The following PDE1A variants were observed in gnomAD, a reference collection of about 807,000 sequenced individuals.
The protein encoded by PDE1A is dual specificity calcium/calmodulin-dependent 3',5'-cyclic nucleotide phosphodiesterase 1A.
PDE1A carries 35 observed loss-of-function variants against 61.7 expected under a neutral mutation model. The observed-to-expected ratio is 0.57, with a 90% CI of 0.43 to 0.75. The LOEUF (loss-of-function observed/expected upper bound fraction) is 0.75. Among genes scored for constraint, PDE1A ranks in the 30% least tolerant of loss-of-function variants. The pLI, the probability that PDE1A is intolerant of heterozygous loss-of-function variation, is 0.00. For missense variants in PDE1A, 597 were observed against 630.6 expected, an observed-to-expected ratio of 0.95 and a Z score of 0.57; for synonymous variants, 232 against 213.2, an observed-to-expected ratio of 1.09 and a Z score of -0.77.
Position 182,338,003 on chromosome 2 carries a change from T to C in PDE1A, c.54-73589A>G, listed in dbSNP as rs75116886. Among the ~76,000 whole-genome samples, 206 of 152,316 alleles carry C rather than the reference T, an allele frequency of 1.4e-3. 8 individuals are homozygous for C. In the East Asian group the frequency reaches 0.035, roughly 26 times the overall value. On this transcript the variant is annotated intron_variant, in intron 1 of 13. Transcript: ENST00000351439. ...TGTTCCTACTGGATCCTCCATTTTT[T>C]AAATGTCCTTCAGCAAGACCTGCAC...
intron 2 of PDE1A, among the ~76,000 whole-genome samples, chr2:182,451,130 GCAC>G: frequency 1.1e-4 from 2 of 18,362 alleles, no homozygotes; most frequent in African/African-American, 1.9e-4. Flanking sequence ...TGTAATCCCA[GCAC>G]TTTGGGAGGC....
intron 2 of PDE1A, among the ~76,000 whole-genome samples, chr2:182,255,690 C>T (rs1440576099): frequency 7.1e-6 from 1 of 140,374 alleles, no homozygotes; most frequent in East Asian, 2.1e-4. Flanking sequence ...CAGAGTCTTG[C>T]TCTGTCACCC....
At chr2:182,681,576 A>T in the PDE1A span, among the ~76,000 whole-genome samples, 6 of 13,540 alleles carry the variant, frequency 4.4e-4, no homozygotes, top group South Asian at 3.1e-3. Context: ...CCTCTAAATT[A>T]AAAAAAAAAA....
chr2:182,660,245 A>G, the PDE1A span, among the ~76,000 whole-genome samples: 1 of 152,236 alleles, frequency 6.6e-6, no homozygotes, highest in Non-Finnish European at 1.5e-5. Flanking sequence ...ATATGCAAAT[A>G]TTTAGAAAAG....
At chr2:182,495,498 G>A (rs933184466) in intron 2 of PDE1A, among the ~76,000 whole-genome samples, 4 of 152,018 alleles carry the variant, frequency 2.6e-5, no homozygotes, top group Non-Finnish European at 4.4e-5. Flanking sequence ...GTAACACATG[G>A]GTTTTATTTA....
intron 12 of PDE1A, 57 bp from the exon 13 acceptor site, chr2:182,186,136 GA>G: frequency 6.4e-7 from 1 of 1,559,878 alleles, no homozygotes; most frequent in South Asian, 1.2e-5. Flanking sequence ...GGTGAACAAG[GA>G]AAACCTGAAA....
At chr2:182,459,643 C>T (rs10178586) in intron 2 of PDE1A, among the ~76,000 whole-genome samples, 29,485 of 151,934 alleles carry the variant, frequency 0.19, 3,214 homozygotes, top group Middle Eastern at 0.35. Context: ...TAAGCCTAGG[C>T]CCCTAAAGAA....
At chr2:182,529,776 A>C in the PDE1A span, among the ~76,000 whole-genome samples, 2 of 152,190 alleles carry the variant, frequency 1.3e-5, no homozygotes, top group Non-Finnish European at 2.9e-5. Context: ...TGATGGTTTT[A>C]TAAGCCTTTC....
At chr2:182,435,671 G>C (rs1258136806) in intron 2 of PDE1A, among the ~76,000 whole-genome samples, 1 of 152,048 alleles carries the variant, frequency 6.6e-6, no homozygotes, top group Non-Finnish European at 1.5e-5. Flanking sequence ...TCAGTCAGTG[G>C]AAAGCTGTTC....
intron 6 of PDE1A, among the ~76,000 whole-genome samples, chr2:182,225,216 T>C (rs1689047929): frequency 6.6e-6 from 1 of 151,942 alleles, no homozygotes; most frequent in Admixed American, 6.6e-5. Context: ...GGGTCTGTAT[T>C]AAAATAGAAT....
chr2:182,460,163 TC>T (rs1394124059), intron 2 of PDE1A, among the ~76,000 whole-genome samples: 1 of 152,078 alleles, frequency 6.6e-6, no homozygotes, highest in Non-Finnish European at 1.5e-5. Context: ...CTGCATAAAA[TC>T]CATCAATCCA....
At chr2:182,466,354 A>G (rs1686664102) in intron 2 of PDE1A, among the ~76,000 whole-genome samples, 1 of 151,868 alleles carries the variant, frequency 6.6e-6, no homozygotes, top group Non-Finnish European at 1.5e-5. Context: ...GGAAAGAAAA[A>G]CCCTACATTT....
chr2:182,592,931 C>A, the PDE1A span, among the ~76,000 whole-genome samples: 1 of 152,092 alleles, frequency 6.6e-6, no homozygotes, highest in Admixed American at 6.6e-5. Flanking sequence ...GACGAGGTGA[C>A]CCAGAGGCCT....
At chr2:182,519,665 G>A (rs573902601) in intron 2 of PDE1A, among the ~76,000 whole-genome samples, 5 of 151,832 alleles carry the variant, frequency 3.3e-5, no homozygotes, top group South Asian at 4.2e-4. Flanking sequence ...TGTTTTCCAC[G>A]TGTTCCAAAA....
downstream of PDE1A, among the ~76,000 whole-genome samples, chr2:182,164,000 C>G (rs569664585): frequency 3.3e-5 from 5 of 152,294 alleles, no homozygotes; most frequent in South Asian, 8.3e-4. Context: ...TCTCCTTTTG[C>G]GAGGTAGCTC....
chr2:182,297,071 T>C (rs926919712), intron 1 of PDE1A, among the ~76,000 whole-genome samples: 2 of 152,208 alleles, frequency 1.3e-5, no homozygotes, highest in African/African-American at 4.8e-5. Context: ...TCCATAATCA[T>C]GTGAGCTATT....
intron 1 of PDE1A, among the ~76,000 whole-genome samples, chr2:182,297,752 T>C (rs905646007): frequency 2.0e-5 from 3 of 152,236 alleles, no homozygotes; most frequent in African/African-American, 7.2e-5. Context: ...ACTCTGCCTA[T>C]GCATGTGCCT....
intron 2 of PDE1A, among the ~76,000 whole-genome samples, chr2:182,444,103 C>G (rs1403304649): frequency 6.6e-6 from 1 of 152,166 alleles, no homozygotes; most frequent in African/African-American, 2.4e-5. Context: ...TCCCTACCCA[C>G]TCATTCACTA....
At chr2:182,673,234 G>A in the PDE1A span, among the ~76,000 whole-genome samples, 2 of 152,118 alleles carry the variant, frequency 1.3e-5, no homozygotes, top group African/African-American at 2.4e-5. Context: ...TGATGACTTT[G>A]TAATCAATAT....
Sources: allele counts gnomAD v4.1 joint callset (sites outside exome capture counted in the v4.1 genomes callset), GRCh38; gene constraint gnomAD v4.1.1; transcripts MANE v1.5; gene names NCBI Gene and HGNC (gene_info 2026-07-23, HGNC 2026-07-21).